The following PPARGC1A variants were observed in gnomAD, a reference collection of about 807,000 sequenced individuals.
PPARGC1A encodes the protein peroxisome proliferator-activated receptor gamma coactivator 1-alpha.
Under a neutral mutation model 88.7 loss-of-function variants are expected in PPARGC1A, and 25 were observed. That is an observed-to-expected ratio of 0.28 (90% CI 0.21 to 0.39). The LOEUF (loss-of-function observed/expected upper bound fraction) is 0.39. Among genes scored for constraint, PPARGC1A ranks in the 10% least tolerant of loss-of-function variants. The pLI, the probability that PPARGC1A is intolerant of heterozygous loss-of-function variation, is 1.00. For missense variants in PPARGC1A, 880 were observed against 968.7 expected (o/e 0.91, Z 1.22); for synonymous variants, 363 against 355.6 (o/e 1.02, Z -0.24).
chr4:24,364,435 T>C, the PPARGC1A span, among the ~76,000 whole-genome samples: 2 of 152,284 alleles, frequency 1.3e-5, no homozygotes, highest in Admixed American at 1.3e-4. Context: ...TCAAGCTGCT[T>C]CCAGGGAGGT....
chr4:24,327,471 CTAATT>C, the PPARGC1A span, among the ~76,000 whole-genome samples: 3 of 152,204 alleles, frequency 2.0e-5, no homozygotes, highest in African/African-American at 7.2e-5. Flanking sequence ...TAGGCACTCT[CTAATT>C]AGATGTCCTA....
chr4:24,205,582 A>C, the PPARGC1A span, among the ~76,000 whole-genome samples: 1 of 152,226 alleles, frequency 6.6e-6, no homozygotes, highest in African/African-American at 2.4e-5. Flanking sequence ...GGTGAAACTT[A>C]AATAAGCAAA....
the PPARGC1A span, among the ~76,000 whole-genome samples, chr4:24,041,924 G>A: frequency 6.6e-6 from 1 of 150,608 alleles, no homozygotes; most frequent in Non-Finnish European, 1.5e-5. Flanking sequence ...AAAAAAAAAA[G>A]AAAGAAAAGA....
the PPARGC1A span, among the ~76,000 whole-genome samples, chr4:23,930,426 G>C: frequency 6.6e-5 from 10 of 152,134 alleles, no homozygotes; most frequent in Non-Finnish European, 1.5e-4. Flanking sequence ...AACGCTGAAG[G>C]ACTATTTCTC....
At chr4:24,228,100 G>A in the PPARGC1A span, among the ~76,000 whole-genome samples, 1 of 152,262 alleles carries the variant, frequency 6.6e-6, no homozygotes, top group East Asian at 1.9e-4. Context: ...ATTCCCTTCA[G>A]CAAGCACCAG....
chr4:24,133,453 A>G, the PPARGC1A span, among the ~76,000 whole-genome samples: 1 of 152,242 alleles, frequency 6.6e-6, no homozygotes, highest in Admixed American at 6.5e-5. Flanking sequence ...AGCACAATAC[A>G]GTAGAGTCCT....
chr4:23,916,525 A>G, the PPARGC1A span, among the ~76,000 whole-genome samples: 1 of 152,176 alleles, frequency 6.6e-6, no homozygotes, highest in Admixed American at 6.5e-5. Context: ...TAATTTTTAA[A>G]GAGCTAGATG....
the PPARGC1A span, among the ~76,000 whole-genome samples, chr4:24,162,851 C>T: frequency 6.6e-6 from 1 of 151,972 alleles, no homozygotes; most frequent in Non-Finnish European, 1.5e-5. Context: ...AACTCGGCCT[C>T]CCAAAGTGCT....
chr4:24,064,820 C>A, the PPARGC1A span, among the ~76,000 whole-genome samples: 2 of 146,962 alleles, frequency 1.4e-5, no homozygotes, highest in South Asian at 4.1e-4. Flanking sequence ...GCCCATCATA[C>A]AACAACACAT....
At chr4:23,892,228 A>C (rs1717952274), upstream of PPARGC1A, among the ~76,000 whole-genome samples, 1 of 152,200 alleles carries the variant, frequency 6.6e-6, no homozygotes, top group Non-Finnish European at 1.5e-5. Flanking sequence ...ACTTCTAAAA[A>C]ATCAAATCAG....
chr4:24,044,562 A>G, the PPARGC1A span, among the ~76,000 whole-genome samples: 1 of 152,150 alleles, frequency 6.6e-6, no homozygotes, highest in Non-Finnish European at 1.5e-5. Flanking sequence ...CTGCCAAAAG[A>G]TGGCGTCTTT....
the PPARGC1A span, among the ~76,000 whole-genome samples, chr4:24,203,077 C>T: frequency 6.6e-6 from 1 of 152,200 alleles, no homozygotes; most frequent in African/African-American, 2.4e-5. Flanking sequence ...AGACAGGCAG[C>T]TCTGAAAAGG....
chr4:23,956,319 A>G, the PPARGC1A span, among the ~76,000 whole-genome samples: 1 of 152,074 alleles, frequency 6.6e-6, no homozygotes, highest in African/African-American at 2.4e-5. Flanking sequence ...TGGAAGTTCT[A>G]GATTTCTAAC....
At chr4:24,305,337 T>C in the PPARGC1A span, among the ~76,000 whole-genome samples, 2 of 151,646 alleles carry the variant, frequency 1.3e-5, no homozygotes, top group South Asian at 2.1e-4. Flanking sequence ...GTGAAACAGA[T>C]CTGTATTTTA....
intron 10 of PPARGC1A, 25 bp downstream of exon 10, chr4:23,812,722 T>C (rs374173610): frequency 6.2e-7 from 1 of 1,611,942 alleles, no homozygotes; most frequent in African/African-American, 1.3e-5. Flanking sequence ...TACTTTAAAA[T>C]AAAAGTGAGC....
At chr4:24,355,608 C>A in the PPARGC1A span, among the ~76,000 whole-genome samples, 1 of 152,040 alleles carries the variant, frequency 6.6e-6, no homozygotes, top group African/African-American at 2.4e-5. Flanking sequence ...CCCCAAGGCA[C>A]AATGAGACAC....
the PPARGC1A span, among the ~76,000 whole-genome samples, chr4:24,070,460 TG>T: frequency 7.9e-5 from 12 of 152,002 alleles, no homozygotes; most frequent in African/African-American, 2.7e-4. Context: ...GATCAGGAAA[TG>T]GGGTATTAGA....
At chr4:24,111,505 C>T in the PPARGC1A span, among the ~76,000 whole-genome samples, 1 of 152,166 alleles carries the variant, frequency 6.6e-6, no homozygotes, top group African/African-American at 2.4e-5. Context: ...GAAACTGTTT[C>T]TAAAGGATGG....
At chr4:23,829,188 T>C (rs1448028719) in intron 4 of PPARGC1A, among the ~76,000 whole-genome samples, 1 of 152,180 alleles carries the variant, frequency 6.6e-6, no homozygotes, top group Non-Finnish European at 1.5e-5. Context: ...AATTTTACCG[T>C]GGCCCACAAT....
Sources: allele counts gnomAD v4.1 joint callset (sites outside exome capture counted in the v4.1 genomes callset), GRCh38; gene constraint gnomAD v4.1.1; transcripts MANE v1.5; gene names NCBI Gene and HGNC (gene_info 2026-07-23, HGNC 2026-07-21).